TXNDC11: variants seen among roughly 807,000 people sequenced by gnomAD.
The protein encoded by TXNDC11 is thioredoxin domain-containing protein 11.
A neutral mutation model predicts 78.0 loss-of-function variants in TXNDC11; 68 were observed. The observed-to-expected ratio is 0.87, with a 90% CI of 0.72 to 1.07. TXNDC11 has a LOEUF of 1.07. Ranked by LOEUF, TXNDC11 falls within the 50% of genes least tolerant of loss-of-function variation. TXNDC11 has a pLI of 0.00. For missense variants in TXNDC11, 1,389 were observed against 1,221.8 expected (o/e 1.14, Z -2.04); for synonymous variants, 571 against 495.2 (o/e 1.15, Z -2.03).
intron 1 of TXNDC11, 77 bp from the exon 2 acceptor site, chr16:11,736,310 C>G: frequency 8.3e-7 from 1 of 1,207,788 alleles, no homozygotes; most frequent in Non-Finnish European, 1.2e-6. Context: ...TAGAATGAAG[C>G]TTAAAAGGAA....
chr16:11,683,748 CTT>C (rs36114425), intron 11 of TXNDC11, among the ~76,000 whole-genome samples: 100 of 109,320 alleles, frequency 9.1e-4, no homozygotes, highest in East Asian at 1.2e-3. Flanking sequence ...CCTAAGGACA[CTT>C]TTTTTTTTTT....
At chr16:11,711,467 C>G (rs984734491) in intron 5 of TXNDC11, among the ~76,000 whole-genome samples, 1 of 152,214 alleles carries the variant, frequency 6.6e-6, no homozygotes, top group African/African-American at 2.4e-5. Flanking sequence ...ACTTTTCCAG[C>G]TCCAAAGGTT....
At chr16:11,688,564 T>A (rs2050627868) in intron 8 of TXNDC11, 119 bp from the exon 9 acceptor site, 1 of 881,448 alleles carries the variant, frequency 1.1e-6, no homozygotes, top group African/African-American at 1.7e-5. Flanking sequence ...ATTTTTAACA[T>A]TTCACCTATC....
At position 11,736,107 on chromosome 16, in the gene TXNDC11, C is replaced by A; in HGVS notation, c.381G>T (p.Val127=). The change falls in exon 2 of 12, where the codon GTG becomes GTT. Residue 127 remains valine, a synonymous_variant. Coordinates refer to ENST00000283033, the MANE Select transcript of TXNDC11 (RefSeq NM_015914.7). ...AAGGGGCATAGAAGAAGAGCAGTAC[C>A]ACCTCTGAATCCCGTCGAACGTACT... ...YAEYVRRDSE[V]VLLFFYAPWC... 6.2e-7 allele frequency: 1 copy of A among 1,614,192 alleles called. No individual in the cohort carries two copies. Among genetic ancestry groups the A allele is most frequent in the African/African-American group, 1.3e-5 (1 of 75,054 alleles).
intron 5 of TXNDC11, among the ~76,000 whole-genome samples, chr16:11,710,035 C>T (rs1334811733): frequency 3.3e-5 from 5 of 151,938 alleles, no homozygotes; most frequent in Non-Finnish European, 5.9e-5. Context: ...CCCAGCTACT[C>T]GGGAGGCTGA....
intron 5 of TXNDC11, among the ~76,000 whole-genome samples, chr16:11,712,956 A>G (rs1029336114): frequency 6.6e-6 from 1 of 151,148 alleles, no homozygotes; most frequent in African/African-American, 2.4e-5. Context: ...ACACACACAC[A>G]CAGAAATCAG....
At chr16:11,694,647 T>C (rs752167263) in intron 7 of TXNDC11, among the ~76,000 whole-genome samples, 2 of 149,420 alleles carry the variant, frequency 1.3e-5, no homozygotes, top group Non-Finnish European at 3.0e-5. Context: ...GAGGTTTCAC[T>C]ATGTTGGCCA....
chr16:11,735,850 T>A (rs1002442472), intron 2 of TXNDC11, among the ~76,000 whole-genome samples, 167 bp downstream of exon 2: 1 of 152,228 alleles, frequency 6.6e-6, no homozygotes, highest in African/African-American at 2.4e-5. Flanking sequence ...ATCGCCACAA[T>A]TGGAAATCCT....
At chr16:11,715,611 G>C (rs1185128367) in intron 5 of TXNDC11, among the ~76,000 whole-genome samples, 1 of 152,166 alleles carries the variant, frequency 6.6e-6, no homozygotes, top group Admixed American at 6.6e-5. Flanking sequence ...TCTTTCTCAC[G>C]CGTCCTTTAC....
intron 5 of TXNDC11, among the ~76,000 whole-genome samples, chr16:11,702,985 G>A (rs1369865328): frequency 6.6e-6 from 1 of 152,174 alleles, no homozygotes; most frequent in African/African-American, 2.4e-5. Context: ...GGGGAAAGGG[G>A]ACTGGAAACG....
At chr16:11,712,337 G>A (rs1375245752) in intron 5 of TXNDC11, among the ~76,000 whole-genome samples, 1 of 151,956 alleles carries the variant, frequency 6.6e-6, no homozygotes, top group Non-Finnish European at 1.5e-5. Context: ...CTCTGCATGC[G>A]GTTTCTTCCA....
At chr16:11,703,089 C>A (rs2051079023) in intron 5 of TXNDC11, among the ~76,000 whole-genome samples, 1 of 152,092 alleles carries the variant, frequency 6.6e-6, no homozygotes, top group Non-Finnish European at 1.5e-5. Context: ...TTCACACACT[C>A]CAAAATTAAA....
chr16:11,734,404 G>A lies in TXNDC11; in HGVS notation c.472-325C>T, dbSNP rs1597496957. Among the ~76,000 whole-genome samples the A allele has an allele frequency of 2.6e-5, 4 of 152,162 alleles. No individual in the cohort carries two copies. In the South Asian group the frequency reaches 8.3e-4, roughly 32 times the overall value. Reference sequence around the variant, plus strand: ...CATGGAATAGTAAGCTCTCAATTTGGAAGGAGCTGAAATTTTTTTTTTAAA... The same window carrying A: ...CATGGAATAGTAAGCTCTCAATTTGAAAGGAGCTGAAATTTTTTTTTTAAA... On this transcript the variant is annotated intron_variant, in intron 2 of 11. Transcript: ENST00000283033.
At chr16:11,725,350 T>A (rs1173054396) in intron 4 of TXNDC11, among the ~76,000 whole-genome samples, 2 of 121,782 alleles carry the variant, frequency 1.6e-5, no homozygotes, top group East Asian at 4.3e-4. Flanking sequence ...CTTTTAAGTA[T>A]TCATTTAGAA....
In TXNDC11 at chr16:11,736,148, G is replaced by T; in HGVS notation, c.340C>A (p.Gln114Lys). 1 of 1,614,198 alleles carries T rather than the reference G, an allele frequency of 6.2e-7. No individual in the cohort carries two copies. Among genetic ancestry groups the T allele is most frequent in the Non-Finnish European group, 8.5e-7 (1 of 1,180,034 alleles). The change falls in exon 2 of 12, where the codon CAG (glutamine) becomes AAG (lysine). Residue 114 changes from glutamine to lysine, a missense_variant. By Grantham distance (53) the Gln-to-Lys change is moderately conservative. Coordinates refer to ENST00000283033, the MANE Select transcript of TXNDC11 (RefSeq NM_015914.7). ...CGAACGTACTCTGCATAATCCAGCT[G>T]CCCCTGGAAGAGGTCAAGGACTGGA... ...RSPVLDLFQG[Q>K]LDYAEYVRRD...
In TXNDC11 at chr16:11,691,417, C is replaced by A; in HGVS notation, c.1773G>T (p.Trp591Cys). The A allele has an allele frequency of 1.9e-6, 3 of 1,614,254 alleles. No individual in the cohort carries two copies. The highest frequency in any genetic ancestry group is 2.5e-6 in the Non-Finnish European group (3 of 1,180,052). The stretch of plus-strand genomic sequence containing the variant: ...GAGCACCCAGTCTCTCTGCATATAA[C>A]CAAAACAAATTTGAATCCAAAAGGT... ...NIYLLDSNLFWLYAERLGAPS... is the reference protein window; with the variant it reads ...NIYLLDSNLFCLYAERLGAPS... Residue 591 changes from tryptophan to cysteine, a missense_variant, in exon 8 of 12, where the codon TGG becomes TGT. Physicochemically the swap from Trp to Cys is radical, Grantham distance 215. Transcript: ENST00000283033.
rs374570150 is a variant in TXNDC11, at chr16:11,722,916, G to A, written c.700-1246C>T. Among the ~76,000 whole-genome samples, 109 of 152,284 alleles carry A rather than the reference G, an allele frequency of 7.2e-4. 1 individual carries two copies. The highest frequency in any genetic ancestry group is 2.2e-3 in the African/African-American group (90 of 41,552). On this transcript the variant is annotated intron_variant, in intron 4 of 11. Transcript: ENST00000283033. ...TTCCAATCTAAACCACTTGCTTGTT[G>A]TAAGATTCAACTGTAAATGAATCAA...
chr16:11,732,084 G>C (rs570217560), intron 3 of TXNDC11, among the ~76,000 whole-genome samples: 1 of 152,176 alleles, frequency 6.6e-6, no homozygotes, highest in South Asian at 2.1e-4. Context: ...TGCAAAGACA[G>C]GGGTGTGGAG....
chr16:11,721,797 A>G (rs572778089), intron 4 of TXNDC11, 127 bp from the exon 5 acceptor site: 2 of 540,874 alleles, frequency 3.7e-6, no homozygotes, highest in South Asian at 2.0e-5. Context: ...ATTTTTTCAA[A>G]AAGCCTAAGC....
Sources: gnomAD v4.1 joint callset for allele counts (sites outside exome capture counted in the v4.1 genomes callset) on GRCh38, gnomAD v4.1.1 for gene constraint, MANE v1.5 for transcripts, NCBI Gene and HGNC (gene_info 2026-07-23, HGNC 2026-07-21) for gene names.